BAHCC1: variants seen among roughly 807,000 people sequenced by gnomAD.
The protein encoded by BAHCC1 is BAH domain and coiled-coil containing 1.
In BAHCC1, 43 loss-of-function variants were observed where a neutral mutation model predicts 88.2. The observed-to-expected ratio is 0.49, with a 90% CI of 0.38 to 0.63. The LOEUF is 0.63. BAHCC1 is among the 20% of genes least tolerant of loss of function. The pLI is 0.00. For missense variants in BAHCC1, 3,023 were observed against 1,654.8 expected, an observed-to-expected ratio of 1.83 and a Z score of -14.34; for synonymous variants, 1,510 against 745.5, an observed-to-expected ratio of 2.03 and a Z score of -16.71.
At position 81,445,006 on chromosome 17, in the gene BAHCC1, T is replaced by C; in HGVS notation, c.2672-9T>C. ...AGCCAGGCTGACCCCTCCTGGGCCC[T>C]GCCCACAGCGGATGTCATGGACCAG... On this transcript the variant is annotated splice_polypyrimidine_tract_variant and intron_variant, in intron 8 of 27. Coordinates refer to ENST00000675386, the MANE Select transcript of BAHCC1 (RefSeq NM_001377448.1). 1 of 752,532 alleles carries C rather than the reference T, an allele frequency of 1.3e-6. No homozygotes were observed. Among genetic ancestry groups the C allele is most frequent in the South Asian group, 1.4e-5 (1 of 71,442 alleles). 46.6% of individuals were successfully genotyped at this position (752,532 alleles called of 1,614,324 possible).
chr17:81,456,162 G>C (rs2064745052), intron 15 of BAHCC1, 135 bp from the exon 16 acceptor site: 3 of 591,502 alleles, frequency 5.1e-6, no homozygotes, highest in Non-Finnish European at 8.9e-6. Context: ...CATCCCTTCA[G>C]CCCCTGTGGA....
chr17:81,410,729 C>G (rs12938984), intron 2 of BAHCC1, among the ~76,000 whole-genome samples: 27,309 of 152,106 alleles, frequency 0.18, 2,676 homozygotes, highest in Non-Finnish European at 0.2. Context: ...AGAGAGCTTC[C>G]CAGTGGCAGA....
Position 81,463,971 on chromosome 17 carries a change from AC to A in BAHCC1, c.*155del. ...CACAGGGCAAGACCCAGGCTTTCTTACGGTTTTCCCTGGAAAGAGCGCTCCA... is the reference window on the plus strand; with the variant it reads ...CACAGGGCAAGACCCAGGCTTTCTTAGGTTTTCCCTGGAAAGAGCGCTCCA... On this transcript the variant is annotated 3_prime_UTR_variant, in exon 28 of 28. Transcript: ENST00000675386. 6.5e-6 allele frequency: 4 copies of A among 615,664 alleles called. No individual in the cohort carries two copies. Among genetic ancestry groups the A allele is most frequent in the Non-Finnish European group, 1.2e-5 (4 of 343,978 alleles). The allele number at this position is 615,664 out of a possible 1,614,324, so 38.1% of individuals were successfully genotyped here.
chr17:81,444,285 TGAGCCCCAGGTCTTACAGA>T, intron 6 of BAHCC1, 77 bp from the exon 7 acceptor site: 1 of 637,730 alleles, frequency 1.6e-6, no homozygotes, highest in Non-Finnish European at 2.8e-6. Flanking sequence ...TTGGTGGGGC[TGAGCCCCAGGTCTTACAGA>T]GACAACAAAG....
At chr17:81,448,426 C>T (rs555560329) in intron 11 of BAHCC1, among the ~76,000 whole-genome samples, 3 of 152,246 alleles carry the variant, frequency 2.0e-5, no homozygotes, top group Non-Finnish European at 2.9e-5. Context: ...CTGGGACACC[C>T]GAGGGCCAGG....
At chr17:81,428,236 G>A (rs1167871783) in intron 3 of BAHCC1, among the ~76,000 whole-genome samples, 2 of 152,190 alleles carry the variant, frequency 1.3e-5, no homozygotes, top group Admixed American at 6.5e-5. Flanking sequence ...GGCTGTGGGG[G>A]CCCCGCCTTC....
intron 4 of BAHCC1, among the ~76,000 whole-genome samples, chr17:81,440,381 A>C (rs2064394631): frequency 6.6e-6 from 1 of 152,194 alleles, no homozygotes; most frequent in Non-Finnish European, 1.5e-5. Context: ...TTGGTTTTGG[A>C]AATGGAGCTA....
intron 2 of BAHCC1, among the ~76,000 whole-genome samples, chr17:81,407,643 G>A (rs1050848425): frequency 2.0e-5 from 3 of 152,216 alleles, no homozygotes; most frequent in East Asian, 3.8e-4. Flanking sequence ...AGACATTGCC[G>A]CCTGGCAGGG....
rs782629323 is a variant in BAHCC1, at chr17:81,461,466, G to T, written c.6803G>T (p.Gly2268Val). 5 of 743,504 alleles carry T rather than the reference G, an allele frequency of 6.7e-6. No homozygotes were observed. The highest frequency in any genetic ancestry group is 1.0e-5 in the Non-Finnish European group (4 of 401,324). The allele number at this position is 743,504 out of a possible 1,614,324, so 46.1% of individuals were successfully genotyped here. The stretch of plus-strand genomic sequence containing the variant: ...GCACCCATCCCCCCGCTGCCCATGG[G>T]GCTGGCGCTGCGCAAGTACGCGGGC... ...GRAPIPPLPMGLALRKYAGQA... is the reference protein window; with the variant it reads ...GRAPIPPLPMVLALRKYAGQA... The change falls in exon 26 of 28, where the codon GGG (glycine) becomes GTG (valine). Residue 2268 changes from glycine to valine, a missense_variant. Physicochemically the swap from Gly to Val is moderately radical, Grantham distance 109. Coordinates refer to ENST00000675386, the MANE Select transcript of BAHCC1 (RefSeq NM_001377448.1).
rs924406456 is a variant in BAHCC1 at position 81,443,017 on chromosome 17, G to A, written c.1668G>A (p.Glu556=). Reference sequence around the variant, plus strand: ...AGCACTTGATGGCCGCCGAGGTGGAGCAGGGGGGCATTGGGGCTGAGGCCA... The same window carrying A: ...AGCACTTGATGGCCGCCGAGGTGGAACAGGGGGGCATTGGGGCTGAGGCCA... ...HQQHLMAAEV[E]QGGIGAEAKR... Residue 556 remains glutamate (E), a synonymous_variant, in exon 5 of 28, where the codon GAG becomes GAA. Coordinates refer to ENST00000675386, the MANE Select transcript of BAHCC1 (RefSeq NM_001377448.1). 2.6e-6 allele frequency: 2 copies of A among 778,482 alleles called. No homozygotes were observed. The highest frequency in any genetic ancestry group is 2.4e-6 in the Non-Finnish European group (1 of 417,762). The allele number at this position is 778,482 out of a possible 1,614,324, so 48.2% of individuals were successfully genotyped here.
In BAHCC1 at chr17:81,442,182, A is replaced by G; in HGVS notation, c.833A>G (p.Lys278Arg). The G allele has an allele frequency of 1.5e-6, 1 of 656,696 alleles. No homozygotes were observed. Among genetic ancestry groups the G allele is most frequent in the Middle Eastern group, 2.7e-4 (1 of 3,704 alleles). 40.7% of individuals were successfully genotyped at this position (656,696 alleles called of 1,614,324 possible). ...APRGACEGRPKHLTSCLLNTK... is the reference protein window; with the variant it reads ...APRGACEGRPRHLTSCLLNTK... Reference sequence around the variant, plus strand: ...CGAGGGGCCTGCGAGGGCCGCCCCAAGCACCTCACCTCCTGCCTCCTCAAC... The same window carrying G: ...CGAGGGGCCTGCGAGGGCCGCCCCAGGCACCTCACCTCCTGCCTCCTCAAC... The change falls in exon 5 of 28, where the codon AAG becomes AGG. Residue 278 changes from lysine to arginine, a missense_variant. Coordinates refer to ENST00000675386, the MANE Select transcript of BAHCC1 (RefSeq NM_001377448.1).
intron 6 of BAHCC1, 83 bp downstream of exon 6, chr17:81,444,000 G>A (rs2064474839): frequency 4.4e-6 from 3 of 682,450 alleles, no homozygotes; most frequent in South Asian, 3.0e-5. Context: ...GGAGAAAGAG[G>A]GGTGGTCATG....
chr17:81,410,066 C>T (rs1813637598), intron 2 of BAHCC1: 1 of 372,758 alleles, frequency 2.7e-6, no homozygotes, highest in Non-Finnish European at 5.6e-6. Context: ...CTAAAATGGG[C>T]AGTTGCCCTG....
rs782757420 is a variant in BAHCC1 at position 81,444,394 on chromosome 17, C to T, written c.2338C>T (p.Arg780Cys). The change falls in exon 7 of 28, where the codon CGC becomes TGC. Residue 780 changes from arginine (R) to cysteine (C), a missense_variant. Arg to Cys is a radical substitution (Grantham distance 180). Transcript: ENST00000675386. ...RELLLQDSKD[R>C]VEFARIHPPS... The stretch of plus-strand genomic sequence containing the variant: ...CAGGTCTTACAGGGACAGCAAAGAC[C>T]GCGTAGAGTTCGCCCGGATCCACCC... The T allele has an allele frequency of 1.1e-5, 8 of 743,158 alleles. No homozygotes were observed. Among genetic ancestry groups the T allele is most frequent in the East Asian group, 2.6e-5 (1 of 38,918 alleles). 46.0% of individuals were successfully genotyped at this position (743,158 alleles called of 1,614,324 possible). A position where few individuals can be genotyped will look rare whatever the true frequency, so the allele number is the denominator to read the frequency against.
intron 2 of BAHCC1, chr17:81,401,229 CG>C (rs1555645992): frequency 6.6e-6 from 1 of 152,642 alleles, no homozygotes; most frequent in Non-Finnish European, 1.5e-5. Context: ...TAATTGCTAA[CG>C]GGCTTCCAGC....
chr17:81,441,326 A>G (rs1220292342), intron 4 of BAHCC1, among the ~76,000 whole-genome samples: 5 of 152,160 alleles, frequency 3.3e-5, no homozygotes, highest in African/African-American at 1.2e-4. Context: ...CAAAAATGGG[A>G]AATTTTATGT....
intron 2 of BAHCC1, chr17:81,401,202 AC>A (rs1555645980): frequency 6.6e-6 from 1 of 152,520 alleles, no homozygotes; most frequent in African/African-American, 2.4e-5. Context: ...CTAGAAAAAA[AC>A]AAACTTGAAA....
At position 81,444,019 on chromosome 17, in the gene BAHCC1, A is replaced by G. The variant is rs949767797; in HGVS notation, c.2324+102A>G. On this transcript the variant is annotated intron_variant, in intron 6 of 27. Coordinates refer to ENST00000675386, the MANE Select transcript of BAHCC1 (RefSeq NM_001377448.1). ...AAAGAGGGGTGGTCATGGCTGGGGC[A>G]GCAGATTCTATGGCCGGCCGTGGGT... 406 of 666,040 alleles carry G rather than the reference A, an allele frequency of 6.1e-4. 3 individuals carry two copies. In the East Asian group the frequency reaches 0.011, roughly 18 times the overall value. The allele number at this position is 666,040 out of a possible 1,614,324, so 41.3% of individuals were successfully genotyped here. A position where few individuals can be genotyped will look rare whatever the true frequency, so the allele number is the denominator to read the frequency against.
At position 81,434,540 on chromosome 17, in the gene BAHCC1, T is replaced by C. The variant is rs2064310126; in HGVS notation, c.359-3830T>C. 1.3e-5 allele frequency among the ~76,000 whole-genome samples: 2 copies of C among 152,102 alleles called. No homozygotes were observed. Among genetic ancestry groups the C allele is most frequent in the Non-Finnish European group, 2.9e-5 (2 of 67,994 alleles). On this transcript the variant is annotated intron_variant, in intron 3 of 27. Coordinates refer to ENST00000675386, the MANE Select transcript of BAHCC1 (RefSeq NM_001377448.1). The surrounding 1 kb of genome is among the most constrained non-coding windows in gnomAD (Gnocchi z 4.9). The stretch of plus-strand genomic sequence containing the variant: ...TGCTGAGCCTGCAGCATCCTGGCCC[T>C]GAGCTCTGTGGCCCCAAGTGGGGCT...
Sources: gnomAD v4.1 joint callset for allele counts (sites outside exome capture counted in the v4.1 genomes callset) on GRCh38, gnomAD v4.1.1 for gene constraint, Gnocchi (gnomAD v3.1) non-coding constraint, MANE v1.5 for transcripts, NCBI Gene and HGNC (gene_info 2026-07-23, HGNC 2026-07-21) for gene names.